The following CDHR1 variants were observed in gnomAD, a reference collection of about 807,000 sequenced individuals.
CDHR1 encodes the protein cadherin related family member 1, also known as cadherin-related family member 1.
Under a neutral mutation model 72.1 loss-of-function variants are expected in CDHR1, and 61 were observed. The ratio of observed to expected loss-of-function variants is 0.85; its 90% CI spans 0.69 to 1.05. The LOEUF is 1.05. Ranked by LOEUF, CDHR1 falls within the 50% of genes least tolerant of loss-of-function variation. The pLI is 0.00. For missense variants in CDHR1, 1,186 were observed against 1,115.7 expected (o/e 1.06, Z -0.90); for synonymous variants, 470 against 448.1 (o/e 1.05, Z -0.62).
rs1059341 is a variant in CDHR1, at chr10:84,217,209, A to T, written c.*2588A>T. ...ATGGTGGGCCAAGGGGCTGTCTGCT[A>T]GGTCCCAGTAGGACAGGCAGAGCTC... On this transcript the variant is annotated 3_prime_UTR_variant, in exon 17 of 17. Transcript: ENST00000623527. 3.0e-6 allele frequency: 3 copies of T among 985,272 alleles called. No homozygotes were observed. The highest frequency in any genetic ancestry group is 3.6e-6 in the Non-Finnish European group (3 of 829,966). The allele number at this position is 985,272 out of a possible 1,614,324, so 61.0% of individuals were successfully genotyped here.
rs1190295907 is a variant in CDHR1, at chr10:84,215,700, T to G, written c.*1079T>G. On this transcript the variant is annotated 3_prime_UTR_variant, in exon 17 of 17. Transcript: ENST00000623527. ...GCGGCATGAATGCAAAGTATTTTTCTGCAGCCCAGTTCTGTGGGTGCAGCT... is the reference window on the plus strand; with the variant it reads ...GCGGCATGAATGCAAAGTATTTTTCGGCAGCCCAGTTCTGTGGGTGCAGCT... The G allele has an allele frequency of 1.0e-6, 1 of 985,340 alleles. No homozygotes were observed. Among genetic ancestry groups the G allele is most frequent in the Non-Finnish European group, 1.2e-6 (1 of 829,958 alleles). 61.0% of individuals were successfully genotyped at this position (985,340 alleles called of 1,614,324 possible).
At chr10:84,208,697 T>C (rs200149617) in intron 11 of CDHR1, 32 bp from the exon 12 acceptor site, 1 of 1,606,572 alleles carries the variant, frequency 6.2e-7, no homozygotes, top group Non-Finnish European at 8.5e-7. Flanking sequence ...TCATCATTCA[T>C]CTTCCTTGTT....
intron 12 of CDHR1, 99 bp downstream of exon 12, chr10:84,208,980 C>A: frequency 8.1e-7 from 1 of 1,239,736 alleles, no homozygotes; most frequent in Non-Finnish European, 1.2e-6. Flanking sequence ...TCACTCTCTG[C>A]CCTTCCTGGC....
At chr10:84,200,480 A>G (rs113511398) in intron 5 of CDHR1, 121 bp from the exon 6 acceptor site, 39 of 734,562 alleles carry the variant, frequency 5.3e-5, no homozygotes, top group East Asian at 3.0e-4. Context: ...TTTATCCTCA[A>G]TTGTTCACCT....
In CDHR1 at chr10:84,203,705, C is replaced by T. The variant is rs372048741; in HGVS notation, c.783+582C>T. Reference sequence around the variant, plus strand: ...TGCTGAGATTACAGGTGTGAGCCACCGCGCCCGGCCTATTATTGACTTTAC... The same window carrying T: ...TGCTGAGATTACAGGTGTGAGCCACTGCGCCCGGCCTATTATTGACTTTAC... On this transcript the variant is annotated intron_variant, in intron 8 of 16. Transcript: ENST00000623527. Among the ~76,000 whole-genome samples, 7 of 152,312 alleles carry T rather than the reference C, an allele frequency of 4.6e-5. No individual in the cohort carries two copies. The South Asian group carries it at 1.2e-3, about 27-fold the overall frequency.
In CDHR1 at chr10:84,206,071, T is replaced by A. The variant is rs1414341345; in HGVS notation, c.963+144T>A. On this transcript the variant is annotated intron_variant, in intron 10 of 16. Transcript: ENST00000623527. ...TTCTAAAGAGCACCTGCACCAGACA[T>A]GAATTCACAAACAGGGAGTCACAGA... The A allele has an allele frequency of 2.4e-5, 17 of 695,986 alleles. No individual in the cohort carries two copies. In the African/African-American group the frequency reaches 2.8e-4, roughly 12 times the overall value. 43.1% of individuals were successfully genotyped at this position (695,986 alleles called of 1,614,324 possible).
At chr10:84,208,979 G>A (rs1842281551) in intron 12 of CDHR1, 98 bp downstream of exon 12, 7 of 1,243,218 alleles carry the variant, frequency 5.6e-6, no homozygotes, top group Non-Finnish European at 6.9e-6. Flanking sequence ...GTCACTCTCT[G>A]CCCTTCCTGG....
chr10:84,195,822 G>C (rs1366753010), intron 2 of CDHR1, among the ~76,000 whole-genome samples: 3 of 152,230 alleles, frequency 2.0e-5, no homozygotes, highest in African/African-American at 7.2e-5. Flanking sequence ...GTCGCCCCGC[G>C]AGGCAGGCAG....
chr10:84,213,371 G>A (rs760369339), intron 16 of CDHR1, 23 bp downstream of exon 16: 7 of 1,613,880 alleles, frequency 4.3e-6, no homozygotes, highest in Non-Finnish European at 5.9e-6. Context: ...CCATGGTCAG[G>A]AAAAAGGGGT....
intron 8 of CDHR1, among the ~76,000 whole-genome samples, chr10:84,204,217 G>A (rs115065543): frequency 7.2e-5 from 11 of 152,150 alleles, no homozygotes; most frequent in Admixed American, 7.2e-4. Context: ...GGGAGCAGTA[G>A]AGGCAAGGGC....
rs778491521 is a variant in CDHR1, at chr10:84,200,561, C to T, written c.439-40C>T. The stretch of plus-strand genomic sequence containing the variant: ...GCCTCTGTCCCCCTGAGAATGCTGT[C>T]ACTGTCTCTGACCCTCCCCTGTGGC... On this transcript the variant is annotated intron_variant, in intron 5 of 16. Transcript: ENST00000623527. 2.0e-5 allele frequency: 28 copies of T among 1,434,348 alleles called. 1 individual carries two copies. The South Asian group carries it at 2.6e-4, about 13-fold the overall frequency. 88.9% of individuals were successfully genotyped at this position (1,434,348 alleles called of 1,614,324 possible).
chr10:84,214,894 A>G lies in CDHR1; in HGVS notation c.*273A>G. 7.1e-7 allele frequency: 1 copy of G among 1,400,896 alleles called. No individual in the cohort carries two copies. Among genetic ancestry groups the G allele is most frequent in the Non-Finnish European group, 9.3e-7 (1 of 1,079,020 alleles). 86.8% of individuals were successfully genotyped at this position (1,400,896 alleles called of 1,614,324 possible). A position where few individuals can be genotyped will look rare whatever the true frequency, so the allele number is the denominator to read the frequency against. On this transcript the variant is annotated 3_prime_UTR_variant, in exon 17 of 17. Transcript: ENST00000623527. ...TTACTCAAATCCTTGGCACTACTAC[A>G]ATGCCCTCCATTCTTCAGGGCTGAG...
chr10:84,198,902 AAGAGAGAG>A (rs59594596), intron 4 of CDHR1, 122 bp from the exon 5 acceptor site: 53 of 696,316 alleles, frequency 7.6e-5, no homozygotes, highest in East Asian at 3.6e-4. Context: ...TAAAAGAAGG[AAGAGAGAG>A]AGAGAGAGAG....
At chr10:84,208,668 G>C (rs1842274079) in intron 11 of CDHR1, 61 bp from the exon 12 acceptor site, 1 of 1,523,938 alleles carries the variant, frequency 6.6e-7, no homozygotes. Flanking sequence ...CTTCTATATA[G>C]TATGATTATG....
intron 10 of CDHR1, 49 bp downstream of exon 10, chr10:84,205,976 G>T: frequency 7.1e-7 from 1 of 1,412,920 alleles, no homozygotes; most frequent in Non-Finnish European, 1.0e-6. Flanking sequence ...GGCCCTGGAA[G>T]TCTATAAAGG....
At position 84,195,687 on chromosome 10, in the gene CDHR1, G is replaced by A. The variant is rs867326969; in HGVS notation, c.151+98G>A. On this transcript the variant is annotated intron_variant, in intron 2 of 16. Transcript: ENST00000623527. ...CCAGGCACCACCCAAGTTGCTGCGCGCGCCCGGGGGCTCCTTGTTTGCTCT... is the reference window on the plus strand; with the variant it reads ...CCAGGCACCACCCAAGTTGCTGCGCACGCCCGGGGGCTCCTTGTTTGCTCT... The A allele has an allele frequency of 1.0e-5, 10 of 957,936 alleles. No individual in the cohort carries two copies. In the Middle Eastern group the frequency reaches 8.6e-4, roughly 82 times the overall value. 59.3% of individuals were successfully genotyped at this position (957,936 alleles called of 1,614,324 possible).
Position 84,214,564 on chromosome 10 carries a change from C to A in CDHR1, c.2523C>A (p.Ile841=). The stretch of plus-strand genomic sequence containing the variant: ...GAAGCCCCGTCCAGTCAACTCTGAT[C>A]TCTGAGCTCAAGCAAAAGTTTGAGA... ...TMGSPVQSTL[I]SELKQKFEKK... Residue 841 remains isoleucine, a synonymous_variant, in exon 17 of 17, where the codon ATC becomes ATA. Coordinates refer to ENST00000623527, the MANE Select transcript of CDHR1 (RefSeq NM_033100.4). The A allele has an allele frequency of 6.2e-7, 1 of 1,600,958 alleles. No individual in the cohort carries two copies. Among genetic ancestry groups the A allele is most frequent in the Non-Finnish European group, 8.5e-7 (1 of 1,179,928 alleles).
downstream of CDHR1, chr10:84,219,370 C>T (rs1187835679): frequency 1.6e-5 from 24 of 1,501,570 alleles, no homozygotes; most frequent in Non-Finnish European, 2.0e-5. Flanking sequence ...CCCTACCCAC[C>T]AACATGCTCC....
rs113847967 is a variant in CDHR1 at position 84,197,072 on chromosome 10, A to G, written c.297+422A>G. 0.01 allele frequency among the ~76,000 whole-genome samples: 1,538 copies of G among 151,806 alleles called. 48 individuals carry two copies. In the East Asian group the frequency reaches 0.13, roughly 12 times the overall value. Reference sequence around the variant, plus strand: ...AGTCTGAGTTTGGCAGAGCTCCTCCACTCTACACACTTGAGAACTTGCAGG... The same window carrying G: ...AGTCTGAGTTTGGCAGAGCTCCTCCGCTCTACACACTTGAGAACTTGCAGG... On this transcript the variant is annotated intron_variant, in intron 3 of 16. Coordinates refer to ENST00000623527, the MANE Select transcript of CDHR1 (RefSeq NM_033100.4).
Sources: allele counts gnomAD v4.1 joint callset (sites outside exome capture counted in the v4.1 genomes callset), GRCh38; gene constraint gnomAD v4.1.1; transcripts MANE v1.5; gene names NCBI Gene and HGNC (gene_info 2026-07-23, HGNC 2026-07-21).